Variants in NAV1 observed in about 807,000 individuals in gnomAD.
NAV1 encodes the protein neuron navigator 1, also known as pore membrane and/or filament interacting like protein 3.
NAV1 carries 18 observed loss-of-function variants against 175.2 expected under a neutral mutation model. The ratio of observed to expected loss-of-function variants is 0.10; its 90% confidence interval spans 0.07 to 0.15. The LOEUF (loss-of-function observed/expected upper bound fraction) is 0.15. Among genes scored for constraint, NAV1 ranks in the 10% least tolerant of loss-of-function variants. The pLI is 1.00. For synonymous variants in NAV1, 897 were observed against 978.7 expected (o/e 0.92, Z 1.56); for missense variants, 1,731 against 2,436.6 (o/e 0.71, Z 6.10).
intron 1 of NAV1, among the ~76,000 whole-genome samples, chr1:201,675,170 C>T (rs966701391): frequency 1.7e-4 from 26 of 152,128 alleles, no homozygotes; most frequent in South Asian, 2.1e-4. Context: ...TTAGAGGGAA[C>T]GGCCTCCAGA....
chr1:201,682,609 A>G (rs2102401561), intron 1 of NAV1, among the ~76,000 whole-genome samples: 1 of 152,326 alleles, frequency 6.6e-6, no homozygotes, highest in East Asian at 1.9e-4. Context: ...GTGCATAGTC[A>G]AGACCCGCAT....
At chr1:201,567,928 C>G (rs1192939557) in intron 1 of NAV1, among the ~76,000 whole-genome samples, 1 of 152,126 alleles carries the variant, frequency 6.6e-6, no homozygotes, top group African/African-American at 2.4e-5. Flanking sequence ...AAGATCAACC[C>G]TAGGAGACAG....
At chr1:201,739,008 A>C (rs1177546240) in intron 3 of NAV1, among the ~76,000 whole-genome samples, 2 of 152,162 alleles carry the variant, frequency 1.3e-5, no homozygotes, top group African/African-American at 4.8e-5. Flanking sequence ...AATTCCCCCC[A>C]CAGGGCTCCT....
chr1:201,741,932 G>A lies in NAV1; in HGVS notation c.1226+23177G>A, dbSNP rs1308940144. 2.6e-5 allele frequency among the ~76,000 whole-genome samples: 4 copies of A among 152,264 alleles called. No homozygotes were observed. In the East Asian group the frequency reaches 5.8e-4, roughly 22 times the overall value. On this transcript the variant is annotated intron_variant, in intron 3 of 29. Transcript: ENST00000367296. ...GACTTCTGGGCAGGTGTGCCAGGGC[G>A]GGTACCTGTCTGCCATAGCCCAGGT... is the stretch of plus-strand genomic sequence containing the variant.
chr1:201,581,755 G>A (rs572216975), intron 1 of NAV1, among the ~76,000 whole-genome samples: 70 of 152,102 alleles, frequency 4.6e-4, no homozygotes, highest in African/African-American at 1.5e-3. Context: ...CTTGAACTCC[G>A]GAGGCAGAGG....
intron 1 of NAV1, among the ~76,000 whole-genome samples, chr1:201,698,740 C>T (rs1039488443): frequency 1.3e-5 from 2 of 152,098 alleles, no homozygotes; most frequent in Non-Finnish European, 2.9e-5. Flanking sequence ...GTAGGTTCTG[C>T]GAAAGGAAGT....
At chr1:201,605,009 A>C (rs967115235) in intron 2 of NAV1, among the ~76,000 whole-genome samples, 1 of 152,122 alleles carries the variant, frequency 6.6e-6, no homozygotes, top group Admixed American at 6.6e-5. Flanking sequence ...CAATGTAAAC[A>C]CAGCTATGCA....
At chr1:201,763,072 CAAAAT>C (rs540348692) in intron 3 of NAV1, among the ~76,000 whole-genome samples, 38 of 152,138 alleles carry the variant, frequency 2.5e-4, no homozygotes, top group Non-Finnish European at 4.1e-4. Context: ...TATGGAAACT[CAAAAT>C]AAGGTCACTC....
At chr1:201,620,451 C>CT (rs1429836032), upstream of NAV1, among the ~76,000 whole-genome samples, 8 of 118,862 alleles carry the variant, frequency 6.7e-5, no homozygotes, top group African/African-American at 3.7e-4. Context: ...GAGACATATA[C>CT]TCTTTTTTTT....
chr1:201,773,540 G>A (rs1675729811), intron 3 of NAV1, among the ~76,000 whole-genome samples: 1 of 152,188 alleles, frequency 6.6e-6, no homozygotes, highest in Admixed American at 6.5e-5. Context: ...CCAGAGCAAA[G>A]GCAGGGGAAA....
At chr1:201,619,287 G>A (rs1314848909), upstream of NAV1, among the ~76,000 whole-genome samples, 2 of 152,280 alleles carry the variant, frequency 1.3e-5, no homozygotes, top group Non-Finnish European at 2.9e-5. Context: ...TAGCCATAGG[G>A]ACTGGGGGAA....
intron 1 of NAV1, among the ~76,000 whole-genome samples, chr1:201,695,939 T>C (rs1192530271): frequency 6.6e-6 from 1 of 152,206 alleles, no homozygotes; most frequent in East Asian, 1.9e-4. Context: ...ATCCCTGCCC[T>C]ACTCTCAGGA....
chr1:201,607,878 G>GTGTA (rs1667733508), intron 2 of NAV1, among the ~76,000 whole-genome samples: 1 of 119,528 alleles, frequency 8.4e-6, no homozygotes, highest in Non-Finnish European at 2.0e-5. Context: ...TATTGTGTGT[G>GTGTA]TGTGTGTGTG....
At chr1:201,638,291 G>A (rs1490379632) in intron 2 of NAV1, among the ~76,000 whole-genome samples, 1 of 152,220 alleles carries the variant, frequency 6.6e-6, no homozygotes, top group African/African-American at 2.4e-5. Context: ...CATAGGTCAT[G>A]GGGCTGAGCT....
Position 201,810,932 on chromosome 1 carries a change from C to T in NAV1, c.4797+174C>T, listed in dbSNP as rs1000005685. 3.9e-5 allele frequency among the ~76,000 whole-genome samples: 6 copies of T among 152,086 alleles called. No individual in the cohort carries two copies. Among genetic ancestry groups the T allele is most frequent in the African/African-American group, 2.4e-5 (1 of 41,390 alleles). On this transcript the variant is annotated intron_variant, in intron 24 of 29. Transcript: ENST00000367296. The surrounding 1 kb of genome is among the most constrained non-coding windows in gnomAD (Gnocchi z 6.0). ...TATCTATCCCCTTTTCCAGTCTTCT[C>T]CTTTCCCTCCCCACGATTTCTTTCC...
At chr1:201,727,027 C>T (rs1297743293) in intron 3 of NAV1, among the ~76,000 whole-genome samples, 1 of 152,224 alleles carries the variant, frequency 6.6e-6, no homozygotes, top group Non-Finnish European at 1.5e-5. Flanking sequence ...GAGTTTTTCA[C>T]CTCCCTCTGC....
Position 201,718,582 on chromosome 1 carries a change from G to C in NAV1, c.1053G>C (p.Arg351=). 6.2e-7 allele frequency: 1 copy of C among 1,614,138 alleles called. No homozygotes were observed. The highest frequency in any genetic ancestry group is 1.1e-5 in the South Asian group (1 of 91,088). The change falls in exon 3 of 30, where the codon CGG becomes CGC. Residue 351 remains arginine (R), a synonymous_variant. Transcript: ENST00000367296. The surrounding 1 kb of genome is among the most constrained non-coding windows in gnomAD (Gnocchi z 4.8). ...CCGCCTGGTACATGCACGGCGAACGGGCCCACTACTCCCACACCATGCCCA... is the reference window on the plus strand; with the variant it reads ...CCGCCTGGTACATGCACGGCGAACGCGCCCACTACTCCCACACCATGCCCA...
At chr1:201,660,481 C>T (rs1669566894) in intron 1 of NAV1, among the ~76,000 whole-genome samples, 1 of 152,202 alleles carries the variant, frequency 6.6e-6, no homozygotes, top group Non-Finnish European at 1.5e-5. Context: ...CCAGCCCAGC[C>T]TGTAGCTTTG....
chr1:201,593,436 C>T (rs1218961558), intron 2 of NAV1, among the ~76,000 whole-genome samples: 1 of 152,224 alleles, frequency 6.6e-6, no homozygotes, highest in East Asian at 1.9e-4. Flanking sequence ...ACATCTACCT[C>T]TGTTTTCTTT....
Sources: gnomAD v4.1 joint callset for allele counts (sites outside exome capture counted in the v4.1 genomes callset) on GRCh38, gnomAD v4.1.1 for gene constraint, Gnocchi (gnomAD v3.1) non-coding constraint, MANE v1.5 for transcripts, NCBI Gene and HGNC (gene_info 2026-07-23, HGNC 2026-07-21) for gene names.